Variants in BBOF1 observed in about 807,000 individuals in gnomAD.
BBOF1 encodes the protein basal body-orientation factor 1.
Under a neutral mutation model 68.0 loss-of-function variants are expected in BBOF1, and 62 were observed. The ratio of observed to expected loss-of-function variants is 0.91; its 90% CI spans 0.74 to 1.13. The LOEUF (loss-of-function observed/expected upper bound fraction) is 1.13, where lower values mean the gene tolerates loss of function less well. Among genes scored for constraint, BBOF1 ranks in the 50% most tolerant of loss-of-function variants. The pLI is 0.00. For missense variants in BBOF1, 534 were observed against 600.1 expected (o/e 0.89, Z 1.15); for synonymous variants, 208 against 198.8 (o/e 1.05, Z -0.39).
At chr14:74,041,153 A>G (rs571557060) in intron 5 of BBOF1, among the ~76,000 whole-genome samples, 2 of 152,232 alleles carry the variant, frequency 1.3e-5, no homozygotes, top group East Asian at 3.9e-4. Context: ...AAATACAAAA[A>G]TCAGCCGGGC....
intron 10 of BBOF1, among the ~76,000 whole-genome samples, chr14:74,079,918 G>T (rs1033688845): frequency 1.2e-4 from 19 of 152,046 alleles, no homozygotes; most frequent in African/African-American, 4.1e-4. Flanking sequence ...TGCACCTGTG[G>T]TCCCAGGTAC....
rs771261871 is a variant in BBOF1, at chr14:74,072,614, G to GA, written n.1380-5575dup. On this transcript the variant is annotated intron_variant and non_coding_transcript_variant, in intron 9 of 12. Coordinates refer to the BBOF1 transcript ENST00000492026. ...CCAATGAAGAGCTTTACAGTTGGCT[G>GA]AAAAAAACAAACAAACAAACAAACA... 8.1e-4 allele frequency: 1,271 copies of GA among 1,566,366 alleles called. No individual in the cohort carries two copies. Among genetic ancestry groups the GA allele is most frequent in the East Asian group, 6.4e-3 (246 of 38,362 alleles).
At chr14:74,066,095 A>G (rs2060459627), downstream of BBOF1, 1 of 154,526 alleles carries the variant, frequency 6.5e-6, no homozygotes. Context: ...CAAGTCAATT[A>G]TTTTTGTCAC....
At chr14:74,027,566 C>G (rs2059463573) in intron 2 of BBOF1, among the ~76,000 whole-genome samples, 1 of 151,826 alleles carries the variant, frequency 6.6e-6, no homozygotes, top group Non-Finnish European at 1.5e-5. Context: ...TGCATAGTCT[C>G]AAAAGATTGT....
intron 2 of BBOF1, among the ~76,000 whole-genome samples, chr14:74,024,800 G>A (rs183835420): frequency 1.1e-4 from 17 of 152,110 alleles, no homozygotes; most frequent in African/African-American, 1.9e-4. Flanking sequence ...ATGGGATTTC[G>A]CCATGTCGCC....
intron 9 of BBOF1, 84 bp from the exon 10 acceptor site, chr14:74,056,822 A>T (rs2060221715): frequency 5.4e-6 from 5 of 920,376 alleles, no homozygotes; most frequent in Non-Finnish European, 8.3e-6. Context: ...AAAATAAAAA[A>T]AAATTAAAAT....
Position 74,054,382 on chromosome 14 carries a change from G to T in BBOF1, c.1287-1202G>T, listed in dbSNP as rs368504230. Among the ~76,000 whole-genome samples the T allele has an allele frequency of 2.3e-4, 34 of 148,458 alleles. No homozygotes were observed. The South Asian group carries it at 4.9e-3, about 21-fold the overall frequency. ...ATAATGTTACATTACAGTTTTTTTT[G>T]TTGTTTTTTTTTTTGAGTCGGAGTC... On this transcript the variant is annotated intron_variant, in intron 8 of 11. Transcript: ENST00000394009.
chr14:74,045,933 T>C (rs1247176960), intron 5 of BBOF1, 127 bp from the exon 6 acceptor site: 3 of 708,038 alleles, frequency 4.2e-6, no homozygotes, highest in East Asian at 5.9e-5. Context: ...TCTCCACCAG[T>C]GCTTGGAGTT....
downstream of BBOF1, chr14:74,067,376 T>C (rs753242077): frequency 3.1e-6 from 5 of 1,612,836 alleles, no homozygotes; most frequent in Non-Finnish European, 3.4e-6. Context: ...AGGTGATTGA[T>C]TACCTGCATT....
intron 10 of BBOF1, among the ~76,000 whole-genome samples, chr14:74,078,822 C>T (rs2060641056): frequency 6.6e-6 from 1 of 151,778 alleles, no homozygotes; most frequent in Admixed American, 6.6e-5. Context: ...AGCCACTGCA[C>T]CTGGCCACAT....
chr14:74,075,680 T>C (rs2060605109), intron 9 of BBOF1, among the ~76,000 whole-genome samples: 1 of 151,852 alleles, frequency 6.6e-6, no homozygotes, highest in African/African-American at 2.4e-5. Flanking sequence ...AATGTAAATA[T>C]AAATATAAGT....
chr14:74,081,625 T>C (rs1171280716), intron 12 of BBOF1, among the ~76,000 whole-genome samples: 2 of 152,184 alleles, frequency 1.3e-5, no homozygotes, highest in Non-Finnish European at 2.9e-5. Flanking sequence ...GTTTACTTCC[T>C]ACTTGCTATA....
chr14:74,055,281 TG>T, intron 8 of BBOF1: 1 of 269,824 alleles, frequency 3.7e-6, no homozygotes, highest in Non-Finnish European at 7.2e-6. Context: ...CCCGAGTAGC[TG>T]GGATTACAGA....
intron 11 of BBOF1, chr14:74,060,679 G>A: frequency 6.2e-7 from 1 of 1,613,882 alleles, no homozygotes; most frequent in East Asian, 2.2e-5. Flanking sequence ...AGCAGGTGAG[G>A]AAAGAGTAGC....
In BBOF1 at chr14:74,065,290, T is replaced by C. The variant is rs2060443406; in HGVS notation, c.*591T>C. On this transcript the variant is annotated 3_prime_UTR_variant, in exon 12 of 12. Coordinates refer to ENST00000394009, the MANE Select transcript of BBOF1 (RefSeq NM_025057.3). ...GTTATTTACAATCTGGATGGCTTCA[T>C]CCAATGTTTCTGTCTCCAGAACCAC... 1 of 1,614,036 alleles carries C rather than the reference T, an allele frequency of 6.2e-7. No individual in the cohort carries two copies. The highest frequency in any genetic ancestry group is 1.3e-5 in the African/African-American group (1 of 74,932).
intron 3 of BBOF1, 79 bp downstream of exon 3, chr14:74,029,328 G>A (rs909530625): frequency 8.4e-6 from 7 of 832,412 alleles, no homozygotes; most frequent in Middle Eastern, 2.2e-4. Flanking sequence ...AAGACCCAAT[G>A]ACAGTGAGTG....
chr14:74,034,371 T>G (rs1285459932), intron 4 of BBOF1, among the ~76,000 whole-genome samples, 200 bp downstream of exon 4: 2 of 152,182 alleles, frequency 1.3e-5, no homozygotes, highest in African/African-American at 4.8e-5. Flanking sequence ...AGCATTGATT[T>G]CCTTGGGAAC....
intron 5 of BBOF1, among the ~76,000 whole-genome samples, chr14:74,042,902 A>ACT (rs1246909962): frequency 6.6e-6 from 1 of 151,286 alleles, no homozygotes; most frequent in East Asian, 1.9e-4. Context: ...ACACACACAC[A>ACT]CACACACACT....
At chr14:74,060,824 T>G in intron 11 of BBOF1, 163 of 895,194 alleles carry the variant, frequency 1.8e-4, no homozygotes, top group Non-Finnish European at 2.8e-4. Context: ...TTGAAGGAGG[T>G]ATTATAAAGT....
Sources: gnomAD v4.1 joint callset for allele counts (sites outside exome capture counted in the v4.1 genomes callset) on GRCh38, gnomAD v4.1.1 for gene constraint, MANE v1.5 for transcripts, NCBI Gene and HGNC (gene_info 2026-07-23, HGNC 2026-07-21) for gene names.